The following PCDHA8 variants were observed in gnomAD, a reference collection of about 807,000 sequenced individuals.
The protein encoded by PCDHA8 is protocadherin alpha 8, also known as protocadherin alpha-8.
In PCDHA8, 53 loss-of-function variants were observed where a neutral mutation model predicts 61.8. That is an observed-to-expected ratio of 0.86 (90% CI 0.69 to 1.08). The LOEUF (loss-of-function observed/expected upper bound fraction) is 1.08. PCDHA8 is among the 50% of genes least tolerant of loss of function. The pLI is 0.00. For missense variants in PCDHA8, 1,293 were observed against 1,245.0 expected (o/e 1.04, Z -0.58); for synonymous variants, 618 against 556.6 (o/e 1.11, Z -1.55).
intron 1 of PCDHA8, chr5:140,867,234 G>T (rs782656807): frequency 2.0e-5 from 3 of 152,032 alleles, no homozygotes; most frequent in African/African-American, 4.8e-5. Context: ...CCATAATAAG[G>T]TGATTGAGGA....
intron 1 of PCDHA8, among the ~76,000 whole-genome samples, chr5:140,924,539 C>T (rs1554201995): frequency 6.6e-6 from 1 of 152,050 alleles, no homozygotes; most frequent in African/African-American, 2.4e-5. Flanking sequence ...CCGAGCTACC[C>T]CTCTCCCCAC....
At chr5:140,935,760 T>C (rs1320272382) in intron 1 of PCDHA8, among the ~76,000 whole-genome samples, 1 of 152,152 alleles carries the variant, frequency 6.6e-6, no homozygotes, top group Non-Finnish European at 1.5e-5. Flanking sequence ...TACACATTCT[T>C]CCCCACTTTG....
chr5:140,850,271 G>A, intron 1 of PCDHA8: 2 of 1,595,372 alleles, frequency 1.3e-6, no homozygotes, highest in Non-Finnish European at 1.7e-6. Context: ...TAGTGGTGGG[G>A]AAGGTGCGCG....
intron 1 of PCDHA8, among the ~76,000 whole-genome samples, chr5:140,918,678 A>G (rs2078806155): frequency 6.6e-6 from 1 of 152,098 alleles, no homozygotes; most frequent in South Asian, 2.1e-4. Context: ...AAGAGGTGAG[A>G]CCTTTCAAAC....
rs2150477897 is a variant in PCDHA8, at chr5:140,850,290, G to A, written c.2394+6575G>A. Reference sequence around the variant, plus strand: ...GGTGGGGAAGGTGCGCGCAGTGGACGCCGACTCGGGCTACAACGCGTGGCT... The same window carrying A: ...GGTGGGGAAGGTGCGCGCAGTGGACACCGACTCGGGCTACAACGCGTGGCT... On this transcript the variant is annotated intron_variant, in intron 1 of 3. Coordinates refer to ENST00000531613, the MANE Select transcript of PCDHA8 (RefSeq NM_018911.3). 4.4e-6 allele frequency: 7 copies of A among 1,595,816 alleles called. 1 individual carries two copies. The highest frequency in any genetic ancestry group is 6.0e-6 in the Non-Finnish European group (7 of 1,167,570).
intron 1 of PCDHA8, chr5:140,884,609 G>T: frequency 6.2e-7 from 1 of 1,614,138 alleles, no homozygotes; most frequent in Non-Finnish European, 8.5e-7. Context: ...TCCTTGTCTG[G>T]GTTCTGCAGA....
intron 1 of PCDHA8, among the ~76,000 whole-genome samples, chr5:140,916,018 T>C (rs550604062): frequency 6.6e-6 from 1 of 152,254 alleles, no homozygotes; most frequent in East Asian, 1.9e-4. Flanking sequence ...ACAAAGTCTT[T>C]CCCATTCTTC....
intron 1 of PCDHA8, chr5:140,875,357 C>T: frequency 1.4e-6 from 2 of 1,446,712 alleles, no homozygotes; most frequent in South Asian, 1.5e-5. Flanking sequence ...GACTGTGATG[C>T]TGGAAAAAAT....
chr5:140,883,616 G>T (rs781929949), intron 1 of PCDHA8: 69 of 1,613,896 alleles, frequency 4.3e-5, no homozygotes, highest in Non-Finnish European at 5.7e-5. Flanking sequence ...CGACGTGAAC[G>T]ACAACGCGCC....
At chr5:140,862,306 C>T (rs184682479) in intron 1 of PCDHA8, 3 of 279,438 alleles carry the variant, frequency 1.1e-5, no homozygotes, top group Admixed American at 9.2e-5. Flanking sequence ...CACTGGGTAC[C>T]GTCATAGCCC....
chr5:140,883,701 C>T (rs782806604), intron 1 of PCDHA8: 1 of 1,613,808 alleles, frequency 6.2e-7, no homozygotes, highest in Admixed American at 1.7e-5. Flanking sequence ...TTCACGGTGT[C>T]TGCTCAGGAC....
At chr5:140,854,372 C>A in intron 1 of PCDHA8, 1 of 156,718 alleles carries the variant, frequency 6.4e-6, no homozygotes, top group South Asian at 2.0e-4. Context: ...TATTTTGATA[C>A]ATAACTCATT....
chr5:140,990,783 G>A (rs932115900), intron 3 of PCDHA8, among the ~76,000 whole-genome samples: 5 of 152,170 alleles, frequency 3.3e-5, no homozygotes, highest in African/African-American at 7.2e-5. Flanking sequence ...TGTGTTGGAC[G>A]ATGAACCATG....
At chr5:140,884,368 G>T (rs2060127258) in intron 1 of PCDHA8, 1 of 1,613,864 alleles carries the variant, frequency 6.2e-7, no homozygotes, top group Non-Finnish European at 8.5e-7. Context: ...ATGTTTACTT[G>T]ATCATTGCCA....
At chr5:140,858,280 G>A (rs782403060) in intron 1 of PCDHA8, 11 of 1,597,460 alleles carry the variant, frequency 6.9e-6, no homozygotes, top group Non-Finnish European at 5.1e-6. Flanking sequence ...GCGCGGTGGG[G>A]AGCTGGTCTT....
At chr5:140,964,454 T>C (rs1392277569) in intron 1 of PCDHA8, among the ~76,000 whole-genome samples, 1 of 152,132 alleles carries the variant, frequency 6.6e-6, no homozygotes, top group Admixed American at 6.5e-5. Flanking sequence ...CTGTAATCTC[T>C]TCCTTAAGTG....
At chr5:140,996,922 A>T (rs2097752714) in intron 3 of PCDHA8, among the ~76,000 whole-genome samples, 1 of 152,198 alleles carries the variant, frequency 6.6e-6, no homozygotes, top group African/African-American at 2.4e-5. Flanking sequence ...AATATTAAAA[A>T]ATATAGCATT....
In PCDHA8 at chr5:140,971,961, T is replaced by C. The variant is rs1412814726; in HGVS notation, c.2395-6988T>C. ...TGTATCCATCTGACTCCAAAAACTT[T>C]TTTTCAATACTATGAGTAGACAGAA... On this transcript the variant is annotated intron_variant, in intron 1 of 3. Transcript: ENST00000531613. 2.0e-5 allele frequency among the ~76,000 whole-genome samples: 3 copies of C among 152,144 alleles called. No homozygotes were observed. The East Asian group carries it at 5.8e-4, about 29-fold the overall frequency.
intron 1 of PCDHA8, among the ~76,000 whole-genome samples, chr5:140,871,917 C>T (rs1156778814): frequency 2.0e-5 from 3 of 152,178 alleles, no homozygotes; most frequent in Admixed American, 2.0e-4. Context: ...CTTGATATTT[C>T]CACATTGTTA....
Sources: allele counts gnomAD v4.1 joint callset (sites outside exome capture counted in the v4.1 genomes callset), GRCh38; gene constraint gnomAD v4.1.1; transcripts MANE v1.5; gene names NCBI Gene and HGNC (gene_info 2026-07-23, HGNC 2026-07-21).